WDR44: variants seen among roughly 807,000 people sequenced by gnomAD.
WDR44 encodes WD repeat domain 44.
WDR44 carries 9 observed loss-of-function variants against 65.7 expected under a neutral mutation model. The observed-to-expected ratio is 0.14, with a 90% CI of 0.08 to 0.24. The LOEUF is 0.24. Ranked by LOEUF, WDR44 falls within the 10% of genes least tolerant of loss-of-function variation. The probability of loss-of-function intolerance (pLI) is 1.00; values close to 1 mark genes in which losing one functional copy is unlikely to be tolerated. For synonymous variants in WDR44, 220 were observed against 235.2 expected (o/e 0.94, Z 0.59); for missense variants, 425 against 670.9 (o/e 0.63, Z 4.05).
At chrX:118,389,498 A>G (rs1370964003) in intron 3 of WDR44, among the ~76,000 whole-genome samples, 1 of 110,628 alleles carries the variant, frequency 9.0e-6, no homozygotes, top group South Asian at 3.9e-4. Context: ...AGGCAGGCGG[A>G]TCACCTGAGG....
At chrX:118,385,480 A>G (rs752723162) in intron 2 of WDR44, among the ~76,000 whole-genome samples, 2 of 111,164 alleles carry the variant, frequency 1.8e-5, no homozygotes, top group Admixed American at 9.6e-5. Flanking sequence ...ATAGAGGGGA[A>G]CAACACATGT....
chrX:118,404,113 A>G (rs1464321770), intron 8 of WDR44, among the ~76,000 whole-genome samples: 1 of 112,085 alleles, frequency 8.9e-6, no homozygotes, highest in Non-Finnish European at 1.9e-5. Context: ...TCTAGAATAT[A>G]TGAATATTGT....
chrX:118,402,525 A>G (rs2056928498), intron 8 of WDR44, among the ~76,000 whole-genome samples: 1 of 107,037 alleles, frequency 9.3e-6, no homozygotes, highest in South Asian at 4.2e-4. Flanking sequence ...AGGCAGGTGG[A>G]TCACTTGAGT....
chrX:118,423,190 TAG>T (rs1224914566), intron 12 of WDR44, among the ~76,000 whole-genome samples: 1 of 110,636 alleles, frequency 9.0e-6, no homozygotes, highest in South Asian at 3.8e-4. Flanking sequence ...TTTTTTGAGA[TAG>T]AGTTTCACTA....
intron 1 of WDR44, among the ~76,000 whole-genome samples, chrX:118,369,820 A>G (rs2056598432): frequency 8.9e-6 from 1 of 112,175 alleles, no homozygotes; most frequent in African/African-American, 3.2e-5. Flanking sequence ...TGTTCTATTT[A>G]TATTGAAAGT....
At chrX:118,350,581 G>A (rs889229659) in intron 1 of WDR44, among the ~76,000 whole-genome samples, 7 of 110,563 alleles carry the variant, frequency 6.3e-5, no homozygotes, top group African/African-American at 2.3e-4. Flanking sequence ...TAATCTTTTC[G>A]TTTAACTTAA....
chrX:118,438,259 C>A (rs983149520), intron 14 of WDR44, among the ~76,000 whole-genome samples: 2 of 110,928 alleles, frequency 1.8e-5, no homozygotes, highest in Non-Finnish European at 1.9e-5. Flanking sequence ...ATAACACCCC[C>A]ATCCCTGTTC....
At chrX:118,352,338 A>ATT (rs2056416006) in intron 1 of WDR44, among the ~76,000 whole-genome samples, 2 of 18,795 alleles carry the variant, frequency 1.1e-4, no homozygotes, top group Non-Finnish European at 1.4e-4. Context: ...ATATATATAT[A>ATT]TATATATATA....
intron 19 of WDR44, among the ~76,000 whole-genome samples, chrX:118,446,511 T>G (rs1471521787): frequency 8.9e-6 from 1 of 112,082 alleles, no homozygotes; most frequent in Admixed American, 9.5e-5. Context: ...AAACAGGTCA[T>G]AAAGCCACAG....
intron 19 of WDR44, among the ~76,000 whole-genome samples, chrX:118,448,338 T>C (rs1329841026): frequency 8.9e-6 from 1 of 112,373 alleles, no homozygotes; most frequent in East Asian, 2.8e-4. Flanking sequence ...GAGGTAAGCA[T>C]TTATGCCATT....
chrX:118,352,352 A>ATTTT (rs556374639), intron 1 of WDR44, among the ~76,000 whole-genome samples: 2 of 14,226 alleles, frequency 1.4e-4, no homozygotes, highest in Admixed American at 1.8e-3. Context: ...ATATATATAT[A>ATTTT]TTTTTTTTTT....
intron 13 of WDR44, among the ~76,000 whole-genome samples, chrX:118,435,507 T>C (rs1315131373): frequency 8.9e-6 from 1 of 111,929 alleles, no homozygotes; most frequent in African/African-American, 3.3e-5. Flanking sequence ...GATCTCGAAC[T>C]CCTGACCTCA....
intron 12 of WDR44, among the ~76,000 whole-genome samples, chrX:118,424,329 A>G (rs1331386043): frequency 1.2e-4 from 10 of 84,520 alleles, no homozygotes; most frequent in African/African-American, 6.2e-4. Context: ...GTGTGTATAT[A>G]TATATATATA....
chrX:118,442,708 A>G, intron 17 of WDR44, 28 bp downstream of exon 17: 2 of 1,112,877 alleles, frequency 1.8e-6, no homozygotes. Flanking sequence ...TGTTCCCAAA[A>G]GAGATCAGGA....
At chrX:118,408,575 T>A (rs1298497039) in intron 10 of WDR44, among the ~76,000 whole-genome samples, 1 of 111,107 alleles carries the variant, frequency 9.0e-6, no homozygotes, top group East Asian at 2.8e-4. Flanking sequence ...TTTTTTGTAT[T>A]TTTTGTAGAG....
intron 14 of WDR44, 76 bp downstream of exon 14, chrX:118,436,900 G>A: frequency 3.1e-6 from 3 of 964,809 alleles, no homozygotes; most frequent in South Asian, 3.6e-5. Context: ...GAGGGCAATT[G>A]GACTACAGGA....
chrX:118,419,457 G>T (rs2057085901), intron 12 of WDR44, among the ~76,000 whole-genome samples: 1 of 109,450 alleles, frequency 9.1e-6, no homozygotes, highest in African/African-American at 3.4e-5. Context: ...AGTTTCCCCA[G>T]TGGGGGTGTG....
chrX:118,368,273 G>C (rs185885977), intron 1 of WDR44, among the ~76,000 whole-genome samples: 1 of 109,521 alleles, frequency 9.1e-6, no homozygotes, highest in African/African-American at 3.4e-5. Context: ...GGCAGTTATT[G>C]TCATCGCATC....
chrX:118,369,462 C>T (rs60326543), intron 1 of WDR44, among the ~76,000 whole-genome samples: 9,939 of 95,920 alleles, frequency 0.1, 556 homozygotes, highest in African/African-American at 0.19. Context: ...TGAGCCACCA[C>T]GCCCGGCCTT....
Sources: allele counts gnomAD v4.1 joint callset (sites outside exome capture counted in the v4.1 genomes callset), GRCh38; gene constraint gnomAD v4.1.1; transcripts MANE v1.5; gene names NCBI Gene and HGNC (gene_info 2026-07-23, HGNC 2026-07-21).